NCS1: variants seen among roughly 807,000 people sequenced by gnomAD.
The protein encoded by NCS1 is neuronal calcium sensor 1, also known as frequenin homolog.
Under a neutral mutation model 28.4 loss-of-function variants are expected in NCS1, and 6 were observed. The ratio of observed to expected loss-of-function variants is 0.21; its 90% confidence interval spans 0.12 to 0.42. The LOEUF is 0.42. Among genes scored for constraint, NCS1 ranks in the 10% least tolerant of loss-of-function variants. The pLI is 1.00. For synonymous variants in NCS1, 86 were observed against 99.3 expected (o/e 0.87, Z 0.79); for missense variants, 131 against 241.4 (o/e 0.54, Z 3.03).
intron 5 of NCS1, 38 bp downstream of exon 5, chr9:130,222,776 A>C: frequency 1.9e-6 from 3 of 1,593,356 alleles, no homozygotes; most frequent in Non-Finnish European, 2.6e-6. Flanking sequence ...GGGTGGCAGG[A>C]GGGGCAAAGC....
At chr9:130,200,556 G>A (rs782084225) in intron 1 of NCS1, 31 of 1,551,626 alleles carry the variant, frequency 2.0e-5, no homozygotes, top group Non-Finnish European at 2.5e-5. Flanking sequence ...CGAGTGCCTG[G>A]GGAAGCCAGG....
In NCS1 at chr9:130,186,464, T is replaced by C. The variant is rs1463215206; in HGVS notation, c.64+13737T>C. Among the ~76,000 whole-genome samples, 1 of 152,204 alleles carries C rather than the reference T, an allele frequency of 6.6e-6. No individual in the cohort carries two copies. Among genetic ancestry groups the C allele is most frequent in the Non-Finnish European group, 1.5e-5 (1 of 68,038 alleles). On this transcript the variant is annotated intron_variant, in intron 1 of 7. Transcript: ENST00000372398. The surrounding 1 kb of genome is among the most constrained non-coding windows in gnomAD (Gnocchi z 4.1). ...ACAGGGTATCTGTATTTTTGTTTGC[T>C]GAATTTGATAGTACTGCTTGAGGGA... is the stretch of plus-strand genomic sequence containing the variant.
Position 130,207,298 on chromosome 9 carries a change from C to T in NCS1, c.89+6316C>T, listed in dbSNP as rs142778220. Among the ~76,000 whole-genome samples the T allele has an allele frequency of 6.6e-3, 999 of 152,346 alleles. 5 individuals are homozygous for T. Among genetic ancestry groups the T allele is most frequent in the Non-Finnish European group, 0.011 (738 of 68,032 alleles). On this transcript the variant is annotated intron_variant, in intron 2 of 7. Transcript: ENST00000372398. ...CTGCACTTAGAATAAAGCCCTAGCACCTTGCCTCGCCCACAGGGCTCCCTG... is the reference window on the plus strand; with the variant it reads ...CTGCACTTAGAATAAAGCCCTAGCATCTTGCCTCGCCCACAGGGCTCCCTG...
At chr9:130,213,496 G>C (rs1445986366) in intron 2 of NCS1, among the ~76,000 whole-genome samples, 1 of 151,956 alleles carries the variant, frequency 6.6e-6, no homozygotes, top group African/African-American at 2.4e-5. Flanking sequence ...AGCCAGGATG[G>C]TCTCCATCTC....
intron 2 of NCS1, 92 bp from the exon 3 acceptor site, chr9:130,217,740 A>G: frequency 1.3e-6 from 2 of 1,585,226 alleles, no homozygotes; most frequent in South Asian, 2.2e-5. Context: ...AAGGAGCCAC[A>G]GCTTTCCTGG....
intron 1 of NCS1, among the ~76,000 whole-genome samples, chr9:130,176,199 T>TC (rs1832568567): frequency 7.5e-6 from 1 of 134,170 alleles, no homozygotes; most frequent in Admixed American, 8.1e-5. Flanking sequence ...TCTTTCTTTT[T>TC]TTTTTTTTTT....
intron 4 of NCS1, among the ~76,000 whole-genome samples, chr9:130,221,435 G>GAA (rs1564713748): frequency 2.1e-5 from 3 of 140,912 alleles, no homozygotes; most frequent in African/African-American, 7.8e-5. Context: ...GAGAGAGAGA[G>GAA]AGAGAGAGAG....
chr9:130,186,643 G>T lies in NCS1; in HGVS notation c.64+13916G>T, dbSNP rs1241301002. Among the ~76,000 whole-genome samples, 1 of 152,162 alleles carries T rather than the reference G, an allele frequency of 6.6e-6. No homozygotes were observed. The highest frequency in any genetic ancestry group is 1.5e-5 in the Non-Finnish European group (1 of 68,042). On this transcript the variant is annotated intron_variant, in intron 1 of 7. Transcript: ENST00000372398. The surrounding 1 kb of genome is among the most constrained non-coding windows in gnomAD (Gnocchi z 4.1). ...AGACACAGAGCTGGTCTCCATCACA[G>T]CTCAGGCAGAAGCCAAATTGGTCAC...
At position 130,194,120 on chromosome 9, in the gene NCS1, G is replaced by C. The variant is rs550661839; in HGVS notation, c.65-6838G>C. ...CCTCTAGCTGAAGCCAGCGCCGGGA[G>C]GGGGCTGCCAGCCCCTGCCTTTTGC... On this transcript the variant is annotated intron_variant, in intron 1 of 7. Coordinates refer to ENST00000372398, the MANE Select transcript of NCS1 (RefSeq NM_014286.4). Among the ~76,000 whole-genome samples the C allele has an allele frequency of 5.3e-5, 8 of 152,332 alleles. No individual in the cohort carries two copies. In the East Asian group the frequency reaches 7.7e-4, roughly 15 times the overall value.
intron 1 of NCS1, among the ~76,000 whole-genome samples, chr9:130,185,445 T>C (rs1040401035): frequency 5.3e-5 from 8 of 152,154 alleles, no homozygotes; most frequent in African/African-American, 1.9e-4. Context: ...GGAGGGGGGT[T>C]TTCCTCCGTG....
chr9:130,176,194 C>CTTTTTTT (rs35934993), intron 1 of NCS1, among the ~76,000 whole-genome samples: 2 of 50,134 alleles, frequency 4.0e-5, no homozygotes, highest in African/African-American at 1.1e-4. Context: ...TTCTTTCTTT[C>CTTTTTTT]TTTTTTTTTT....
rs78783111 is a variant in NCS1, at chr9:130,229,782, C to T, written c.*18-3208C>T. ...TATAGGGCTGTTCCTTGTGCCTACG[C>T]GGTAGTGATTATATCCAATTTGTGT... On this transcript the variant is annotated intron_variant, in intron 7 of 7. Transcript: ENST00000372398. Among the ~76,000 whole-genome samples, 774 of 152,244 alleles carry T rather than the reference C, an allele frequency of 5.1e-3. 9 individuals are homozygous for T. Among genetic ancestry groups the T allele is most frequent in the East Asian group, 0.038 (197 of 5,186 alleles).
intron 1 of NCS1, among the ~76,000 whole-genome samples, chr9:130,172,965 C>T (rs1588104468): frequency 6.6e-6 from 1 of 151,904 alleles, no homozygotes; most frequent in East Asian, 2.0e-4. Context: ...GCGTGCGCGG[C>T]GCCACCCCTA....
At chr9:130,195,643 C>T (rs1318058744) in intron 1 of NCS1, among the ~76,000 whole-genome samples, 4 of 152,294 alleles carry the variant, frequency 2.6e-5, no homozygotes, top group African/African-American at 7.2e-5. Flanking sequence ...AGGCTGGTCT[C>T]GAACTCCTGG....
intron 4 of NCS1, among the ~76,000 whole-genome samples, chr9:130,221,377 C>CATATATAT (rs370084084): frequency 3.5e-5 from 3 of 84,720 alleles, no homozygotes; most frequent in African/African-American, 1.4e-4. Flanking sequence ...TATAAAATAT[C>CATATATAT]ATATATATAT....
At chr9:130,205,554 A>AT (rs1554907973) in intron 2 of NCS1, among the ~76,000 whole-genome samples, 1 of 150,714 alleles carries the variant, frequency 6.6e-6, no homozygotes, top group Non-Finnish European at 1.5e-5. Context: ...AAAAAAAAAA[A>AT]AGCCTGGGCA....
rs888288243 is a variant in NCS1, at chr9:130,175,210, G to A, written c.64+2483G>A. Among the ~76,000 whole-genome samples the A allele has an allele frequency of 3.9e-5, 6 of 152,246 alleles. No homozygotes were observed. Among genetic ancestry groups the A allele is most frequent in the African/African-American group, 1.4e-4 (6 of 41,534 alleles). ...CCCCCCATGTGTTGGCCTTTAGTAG[G>A]TTCACAGAATGAAAAGTCTCCCAAC... On this transcript the variant is annotated intron_variant, in intron 1 of 7. Transcript: ENST00000372398. This position sits in a 1 kb window ranked among gnomAD's most constrained non-coding sequence, Gnocchi z 4.9.
intron 2 of NCS1, among the ~76,000 whole-genome samples, chr9:130,202,049 C>T (rs1424307015): frequency 2.0e-5 from 3 of 152,238 alleles, no homozygotes; most frequent in African/African-American, 4.8e-5. Flanking sequence ...CCTTCACACA[C>T]GCCAGCCAGA....
At chr9:130,193,479 G>A (rs962343683) in intron 1 of NCS1, among the ~76,000 whole-genome samples, 1 of 152,146 alleles carries the variant, frequency 6.6e-6, no homozygotes, top group Non-Finnish European at 1.5e-5. Flanking sequence ...TTTTGAGGCA[G>A]CCAGGTTGGA....
Sources: gnomAD v4.1 joint callset for allele counts (sites outside exome capture counted in the v4.1 genomes callset) on GRCh38, gnomAD v4.1.1 for gene constraint, Gnocchi (gnomAD v3.1) non-coding constraint, MANE v1.5 for transcripts, NCBI Gene and HGNC (gene_info 2026-07-23, HGNC 2026-07-21) for gene names.